NFIA: variants seen among roughly 807,000 people sequenced by gnomAD.
NFIA encodes nuclear factor 1 A-type.
NFIA carries 8 observed loss-of-function variants against 62.8 expected under a neutral mutation model. The observed-to-expected ratio is 0.13, with a 90% CI of 0.07 to 0.23. The LOEUF is 0.23. Among genes scored for constraint, NFIA ranks in the 10% least tolerant of loss-of-function variants. NFIA has a pLI of 1.00. For synonymous variants in NFIA, 235 were observed against 238.1 expected (o/e 0.99, Z 0.12); for missense variants, 410 against 642.1 (o/e 0.64, Z 3.91).
intron 9 of NFIA, among the ~76,000 whole-genome samples, chr1:61,413,941 T>G (rs532883478): frequency 6.6e-6 from 1 of 151,554 alleles, no homozygotes; most frequent in South Asian, 2.1e-4. Context: ...ATTTTACTTT[T>G]ACAGATGTGT....
chr1:61,438,825 A>G (rs1268397012), intron 10 of NFIA, among the ~76,000 whole-genome samples: 1 of 152,202 alleles, frequency 6.6e-6, no homozygotes, highest in Non-Finnish European at 1.5e-5. Flanking sequence ...TGTCAGATAC[A>G]CAGCTGACAT....
chr1:61,420,000 C>T (rs866766395), intron 9 of NFIA, among the ~76,000 whole-genome samples: 3 of 152,150 alleles, frequency 2.0e-5, no homozygotes, highest in Non-Finnish European at 4.4e-5. Flanking sequence ...AATAGAAATT[C>T]GGCGTAGTTA....
At position 61,174,071 on chromosome 1, in the gene NFIA, C is replaced by T. The variant is rs1221772325; in HGVS notation, c.559+85391C>T. Among the ~76,000 whole-genome samples the T allele has an allele frequency of 2.6e-5, 4 of 152,196 alleles. No homozygotes were observed. In the South Asian group the frequency reaches 6.2e-4, roughly 24 times the overall value. ...CTTTTGGATTTGACTGTTTTCTCCA[C>T]TGTAAGCACTGTTTGTTATCTTTCA... On this transcript the variant is annotated intron_variant, in intron 2 of 10. Transcript: ENST00000403491.
chr1:61,125,655 T>C (rs1432483873), intron 2 of NFIA, among the ~76,000 whole-genome samples: 1 of 152,106 alleles, frequency 6.6e-6, no homozygotes, highest in Non-Finnish European at 1.5e-5. Flanking sequence ...TTCTTTGAAA[T>C]AAAGTGGAAT....
intron 5 of NFIA, among the ~76,000 whole-genome samples, chr1:61,352,848 C>T (rs1290352230): frequency 6.6e-6 from 1 of 151,738 alleles, no homozygotes; most frequent in African/African-American, 2.4e-5. Context: ...TTAAAGAGAG[C>T]TTTATGCAAA....
intron 2 of NFIA, among the ~76,000 whole-genome samples, chr1:61,102,574 G>A (rs568829224): frequency 6.6e-6 from 1 of 151,820 alleles, no homozygotes; most frequent in Admixed American, 6.6e-5. Flanking sequence ...GTTTCCTTTA[G>A]TTTTCCCTTA....
At chr1:61,378,377 A>T (rs1031104103) in intron 6 of NFIA, among the ~76,000 whole-genome samples, 2 of 152,212 alleles carry the variant, frequency 1.3e-5, no homozygotes, top group Non-Finnish European at 2.9e-5. Flanking sequence ...CTTTCTAAGA[A>T]TACGTCTTAC....
intron 7 of NFIA, among the ~76,000 whole-genome samples, chr1:61,398,643 TGAAAAACCTTGGCTCACCTC>T (rs1182030565): frequency 6.6e-6 from 1 of 152,250 alleles, no homozygotes; most frequent in East Asian, 1.9e-4. Context: ...CCATATGTTT[TGAAAAACCTTGGCTCACCTC>T]GAGTCAAAAG....
At chr1:61,153,127 G>T (rs1314148551) in intron 2 of NFIA, among the ~76,000 whole-genome samples, 1 of 152,174 alleles carries the variant, frequency 6.6e-6, no homozygotes, top group Non-Finnish European at 1.5e-5. Flanking sequence ...TTGAGTTCAG[G>T]GCTAGTAAAT....
At chr1:61,165,745 T>C (rs1649525206) in intron 2 of NFIA, among the ~76,000 whole-genome samples, 1 of 152,170 alleles carries the variant, frequency 6.6e-6, no homozygotes, top group Admixed American at 6.5e-5. Flanking sequence ...TAGATGTTAA[T>C]AAAAAAGAAC....
intron 3 of NFIA, among the ~76,000 whole-genome samples, chr1:61,278,306 G>A (rs1192684255): frequency 6.6e-6 from 1 of 152,184 alleles, no homozygotes; most frequent in Admixed American, 6.5e-5. Flanking sequence ...TAAAACTATC[G>A]GTTTCAATAA....
intron 2 of NFIA, among the ~76,000 whole-genome samples, chr1:61,154,868 A>G (rs990888500): frequency 5.9e-5 from 9 of 152,246 alleles, no homozygotes; most frequent in African/African-American, 2.2e-4. Flanking sequence ...ACATCACACA[A>G]AAATAAAGGG....
chr1:61,344,694 T>C (rs554413803), intron 4 of NFIA, among the ~76,000 whole-genome samples: 31 of 152,352 alleles, frequency 2.0e-4, no homozygotes, highest in African/African-American at 5.8e-4. Flanking sequence ...TTGAATTCCA[T>C]TGAATACAGC....
chr1:61,150,545 T>A (rs1033293311), intron 2 of NFIA, among the ~76,000 whole-genome samples: 3 of 152,132 alleles, frequency 2.0e-5, no homozygotes, highest in Non-Finnish European at 4.4e-5. Context: ...TGAGAAGGTA[T>A]TTTGGGGGGA....
intron 2 of NFIA, among the ~76,000 whole-genome samples, chr1:61,127,907 T>A (rs915430397): frequency 1.3e-5 from 2 of 152,194 alleles, no homozygotes; most frequent in Admixed American, 6.5e-5. Flanking sequence ...AGAATATCTC[T>A]GTAAGCCCAG....
chr1:61,177,899 A>T (rs1340189365), intron 2 of NFIA, among the ~76,000 whole-genome samples: 1 of 152,032 alleles, frequency 6.6e-6, no homozygotes, highest in South Asian at 2.1e-4. Context: ...CAACCTTGGG[A>T]AGTTAGCATT....
chr1:61,367,056 C>T (rs1663629571), intron 6 of NFIA, among the ~76,000 whole-genome samples: 1 of 152,216 alleles, frequency 6.6e-6, no homozygotes, highest in Non-Finnish European at 1.5e-5. Flanking sequence ...CAGTCAGCGA[C>T]CCAGGGCATT....
chr1:61,124,199 T>C (rs997840655), intron 2 of NFIA, among the ~76,000 whole-genome samples: 1 of 152,222 alleles, frequency 6.6e-6, no homozygotes, highest in Non-Finnish European at 1.5e-5. Context: ...GTTCAGCTTC[T>C]TGGCCTTCAG....
chr1:61,424,411 G>A (rs1025077608), intron 9 of NFIA, among the ~76,000 whole-genome samples: 11 of 152,062 alleles, frequency 7.2e-5, no homozygotes, highest in African/African-American at 2.7e-4. Flanking sequence ...GATGTCCCCA[G>A]TATGGTAAGA....
Sources: gnomAD v4.1 joint callset for allele counts (sites outside exome capture counted in the v4.1 genomes callset) on GRCh38, gnomAD v4.1.1 for gene constraint, MANE v1.5 for transcripts, NCBI Gene and HGNC (gene_info 2026-07-23, HGNC 2026-07-21) for gene names.